The following PDE1C variants were observed in gnomAD, a reference collection of about 807,000 sequenced individuals.
The protein encoded by PDE1C is phosphodiesterase 1C, also known as dual specificity calcium/calmodulin-dependent 3',5'-cyclic nucleotide phosphodiesterase 1C.
Under a neutral mutation model 93.1 loss-of-function variants are expected in PDE1C, and 62 were observed. That is an observed-to-expected ratio of 0.67 (90% CI 0.54 to 0.82). PDE1C has a LOEUF of 0.82. Among genes scored for constraint, PDE1C ranks in the 40% least tolerant of loss-of-function variants. The probability of loss-of-function intolerance (pLI) is 0.00; values close to 1 mark genes in which losing one functional copy is unlikely to be tolerated. For missense variants in PDE1C, 742 were observed against 884.6 expected (o/e 0.84, Z 2.04); for synonymous variants, 325 against 310.1 (o/e 1.05, Z -0.50).
intron 3 of PDE1C, among the ~76,000 whole-genome samples, chr7:32,139,874 C>T (rs1025713100): frequency 6.6e-6 from 1 of 151,902 alleles, no homozygotes; most frequent in African/African-American, 2.4e-5. Context: ...TGCTTGGAAC[C>T]TCAACAGCCA....
At chr7:32,405,050 C>T (rs974016603) in intron 1 of PDE1C, among the ~76,000 whole-genome samples, 1 of 152,082 alleles carries the variant, frequency 6.6e-6, no homozygotes, top group African/African-American at 2.4e-5. Flanking sequence ...GGATCCAGCC[C>T]TCCAGCAAGT....
chr7:31,707,695 C>T, the PDE1C span: 1 of 168,308 alleles, frequency 5.9e-6, no homozygotes, highest in Non-Finnish European at 1.3e-5. Flanking sequence ...AAGTGGGGTT[C>T]CCTGTTGCCA....
chr7:31,810,468 T>C (rs1288213493), intron 15 of PDE1C, among the ~76,000 whole-genome samples: 1 of 152,150 alleles, frequency 6.6e-6, no homozygotes, highest in Non-Finnish European at 1.5e-5. Context: ...AATAGCCCCA[T>C]TATGAAGGGG....
chr7:32,033,435 T>C (rs754969767), intron 2 of PDE1C, among the ~76,000 whole-genome samples: 2 of 152,114 alleles, frequency 1.3e-5, no homozygotes, highest in African/African-American at 2.4e-5. Context: ...CCTTTGTTAT[T>C]AAGGGGATAA....
At chr7:32,235,406 C>A (rs1808003387) in intron 1 of PDE1C, among the ~76,000 whole-genome samples, 1 of 141,118 alleles carries the variant, frequency 7.1e-6, no homozygotes, top group Non-Finnish European at 1.5e-5. Flanking sequence ...GTAGAAAATC[C>A]AAGGAATCTA....
At chr7:31,972,082 C>T (rs913767128) in intron 2 of PDE1C, among the ~76,000 whole-genome samples, 5 of 152,134 alleles carry the variant, frequency 3.3e-5, no homozygotes, top group South Asian at 2.1e-4. Flanking sequence ...ATCATACACT[C>T]GTAAATGAAG....
At chr7:31,732,371 A>ATT in the PDE1C span, among the ~76,000 whole-genome samples, 1 of 150,542 alleles carries the variant, frequency 6.6e-6, no homozygotes, top group East Asian at 1.9e-4. Flanking sequence ...TGCCGTGAAG[A>ATT]TTTTTTTTTA....
At chr7:31,778,036 G>C (rs976197908) in intron 16 of PDE1C, among the ~76,000 whole-genome samples, 2 of 152,162 alleles carry the variant, frequency 1.3e-5, no homozygotes, top group African/African-American at 4.8e-5. Context: ...AATCTCCAGG[G>C]AATGGAGCCA....
intron 1 of PDE1C, among the ~76,000 whole-genome samples, chr7:32,362,843 T>C (rs1298915506): frequency 1.3e-5 from 2 of 152,178 alleles, no homozygotes; most frequent in Non-Finnish European, 2.9e-5. Flanking sequence ...AAAGATGAAC[T>C]CAATGCAAAA....
At chr7:31,714,360 ATATAAT>A in the PDE1C span, among the ~76,000 whole-genome samples, 1 of 152,072 alleles carries the variant, frequency 6.6e-6, no homozygotes. Context: ...TTCATTGTCT[ATATAAT>A]TATCATCATT....
the PDE1C span, among the ~76,000 whole-genome samples, chr7:31,726,403 T>G: frequency 6.6e-6 from 1 of 152,288 alleles, no homozygotes; most frequent in East Asian, 1.9e-4. Context: ...AATTTTGTAT[T>G]ATGGCTTTTA....
At chr7:31,784,024 T>G (rs1480995220) in intron 16 of PDE1C, 1 of 152,160 alleles carries the variant, frequency 6.6e-6, no homozygotes, top group Non-Finnish European at 1.5e-5. Flanking sequence ...ATTCAGCTAG[T>G]CATTGGTTGA....
chr7:32,104,991 T>C (rs930060415), intron 3 of PDE1C, among the ~76,000 whole-genome samples: 10 of 152,156 alleles, frequency 6.6e-5, no homozygotes, highest in Non-Finnish European at 2.9e-5. Flanking sequence ...TCCAAGAACC[T>C]GCCAAAGTCC....
chr7:32,333,590 G>A (rs1041605172), intron 1 of PDE1C, among the ~76,000 whole-genome samples: 1 of 152,112 alleles, frequency 6.6e-6, no homozygotes, highest in African/African-American at 2.4e-5. Context: ...TGTGTGCTGT[G>A]TAATGAAAAA....
At chr7:32,083,838 G>A (rs1202531818) in intron 3 of PDE1C, among the ~76,000 whole-genome samples, 1 of 151,952 alleles carries the variant, frequency 6.6e-6, no homozygotes, top group Non-Finnish European at 1.5e-5. Flanking sequence ...CCCTAAAAGA[G>A]CTCCTAAAGG....
intron 1 of PDE1C, among the ~76,000 whole-genome samples, chr7:32,063,811 TAGTC>T (rs1184658122): frequency 1.3e-5 from 2 of 152,232 alleles, no homozygotes; most frequent in Non-Finnish European, 2.9e-5. Flanking sequence ...CCACATCACT[TAGTC>T]AGCAATTAAT....
chr7:32,365,900 A>C (rs747538316), intron 1 of PDE1C, among the ~76,000 whole-genome samples: 12 of 152,208 alleles, frequency 7.9e-5, no homozygotes, highest in Non-Finnish European at 1.3e-4. Flanking sequence ...ACACTGAGCT[A>C]ACATCCCAAA....
chr7:31,752,729 C>A lies in PDE1C; in HGVS notation c.*655G>T, dbSNP rs1385199963. Reference sequence around the variant, plus strand: ...GAGGTTATTGGGCATGAGGCACAATCTTCATGAGGCACAAAAATCTTTTTT... The same window carrying A: ...GAGGTTATTGGGCATGAGGCACAATATTCATGAGGCACAAAAATCTTTTTT... On this transcript the variant is annotated 3_prime_UTR_variant, in exon 18 of 18. Transcript: ENST00000396191. 6.6e-6 allele frequency: 1 copy of A among 152,132 alleles called. No individual in the cohort carries two copies. The highest frequency in any genetic ancestry group is 1.5e-5 in the Non-Finnish European group (1 of 68,020). 9.4% of individuals were successfully genotyped at this position (152,132 alleles called of 1,614,324 possible).
chr7:32,147,314 A>AAGAAAG (rs1554513875), intron 3 of PDE1C, among the ~76,000 whole-genome samples: 5 of 144,460 alleles, frequency 3.5e-5, no homozygotes, highest in African/African-American at 1.1e-4. Context: ...GAAAGAAAGA[A>AAGAAAG]AGAAAGAAAG....
Sources: gnomAD v4.1 joint callset for allele counts (sites outside exome capture counted in the v4.1 genomes callset) on GRCh38, gnomAD v4.1.1 for gene constraint, MANE v1.5 for transcripts, NCBI Gene and HGNC (gene_info 2026-07-23, HGNC 2026-07-21) for gene names.